The following NPAT variants were observed in gnomAD, a reference collection of about 807,000 sequenced individuals.
NPAT encodes the protein nuclear protein, coactivator of histone transcription.
In NPAT, 52 loss-of-function variants were observed where a neutral mutation model predicts 130.7. That is an observed-to-expected ratio of 0.40 (90% CI 0.32 to 0.50). The LOEUF (loss-of-function observed/expected upper bound fraction) is 0.50, where lower values mean the gene tolerates loss of function less well. Ranked by LOEUF, NPAT falls within the 20% of genes least tolerant of loss-of-function variation. The pLI is 0.68. For synonymous variants in NPAT, 580 were observed against 584.8 expected, an observed-to-expected ratio of 0.99 and a Z score of 0.12; for missense variants, 1,687 against 1,662.6, an observed-to-expected ratio of 1.01 and a Z score of -0.26.
At chr11:108,204,676 G>A (rs1408384039) in intron 1 of NPAT, among the ~76,000 whole-genome samples, 4 of 152,234 alleles carry the variant, frequency 2.6e-5, no homozygotes, top group Admixed American at 6.5e-5. Flanking sequence ...GGCCAAGCAG[G>A]CCCAGGAGCC....
At chr11:108,188,206 A>C in intron 6 of NPAT, 27 bp from the exon 7 acceptor site, 1 of 1,544,472 alleles carries the variant, frequency 6.5e-7, no homozygotes. Context: ...CATAACAGTA[A>C]GCCAAAGAAA....
At chr11:108,188,057 TA>T (rs1292620985) in intron 7 of NPAT, 40 bp downstream of exon 7, 2 of 1,329,484 alleles carry the variant, frequency 1.5e-6, no homozygotes, top group South Asian at 2.4e-5. Flanking sequence ...TTTTTTTTTT[TA>T]ATGGATACGG....
At chr11:108,220,037 G>A (rs1038943147) in intron 1 of NPAT, among the ~76,000 whole-genome samples, 1 of 152,210 alleles carries the variant, frequency 6.6e-6, no homozygotes, top group South Asian at 2.1e-4. Context: ...AATTCGTTTG[G>A]CATGTCTGCA....
intron 7 of NPAT, among the ~76,000 whole-genome samples, chr11:108,187,443 C>T (rs1360276756): frequency 6.6e-6 from 1 of 151,982 alleles, no homozygotes; most frequent in Non-Finnish European, 1.5e-5. Context: ...GACAGCAAGG[C>T]CCTATCTCTA....
At chr11:108,177,190 C>A in intron 10 of NPAT, 100 bp from the exon 11 acceptor site, 1 of 546,668 alleles carries the variant, frequency 1.8e-6, no homozygotes, top group Non-Finnish European at 3.1e-6. Flanking sequence ...TTTGCTCAGG[C>A]TGGAGTGTAG....
At chr11:108,183,150 A>G (rs1030176029) in intron 10 of NPAT, among the ~76,000 whole-genome samples, 18 of 150,802 alleles carry the variant, frequency 1.2e-4, no homozygotes, top group African/African-American at 4.1e-4. Context: ...CTGGCTAATT[A>G]AAAAAAAAAT....
chr11:108,222,620 T>G lies in NPAT; in HGVS notation c.-84A>C. 1.8e-5 allele frequency: 26 copies of G among 1,446,918 alleles called. No homozygotes were observed. The highest frequency in any genetic ancestry group is 2.4e-5 in the Non-Finnish European group (25 of 1,038,426). The allele number at this position is 1,446,918 out of a possible 1,614,324, so 89.6% of individuals were successfully genotyped here. ...GCGACAGCTCCTGCGCCGCATCTCC[T>G]GGTTCCAGTGGCGGCACTGAACTCG... On this transcript the variant is annotated 5_prime_UTR_variant, in exon 1 of 18. Transcript: ENST00000278612.
At chr11:108,202,345 G>A (rs115798823) in intron 1 of NPAT, among the ~76,000 whole-genome samples, 1,962 of 151,816 alleles carry the variant, frequency 0.013, 53 homozygotes, top group African/African-American at 0.044. Context: ...CAGCTAAGTC[G>A]GCAGCAAGAG....
chr11:108,175,821 GAAC>G (rs2078000168), intron 12 of NPAT, among the ~76,000 whole-genome samples: 1 of 152,152 alleles, frequency 6.6e-6, no homozygotes, highest in Non-Finnish European at 1.5e-5. Flanking sequence ...TTGAGCAACT[GAAC>G]AACATTAATA....
intron 7 of NPAT, among the ~76,000 whole-genome samples, chr11:108,186,799 T>C (rs2078112126): frequency 6.6e-6 from 1 of 152,192 alleles, no homozygotes; most frequent in South Asian, 2.1e-4. Context: ...GCACACTGCA[T>C]ATAGGCAGGT....
intron 10 of NPAT, among the ~76,000 whole-genome samples, chr11:108,183,835 T>C (rs1233335101): frequency 1.3e-5 from 2 of 151,590 alleles, no homozygotes; most frequent in Non-Finnish European, 2.9e-5. Flanking sequence ...TAGCTGAGCA[T>C]GGTGGCATGT....
chr11:108,193,984 T>C lies in NPAT; in HGVS notation c.190A>G (p.Asn64Asp). The change falls in exon 3 of 18, where the codon AAT becomes GAT. Residue 64 changes from asparagine to aspartate, a missense_variant. By Grantham distance (23) the Asn-to-Asp change is conservative. Transcript: ENST00000278612. The part of the protein sequence containing the change: ...LFGKNLTTIL[N>D]EYVAMKTKET... ...TTTGTTTTCATAGCTACATACTCATTTAAAATTGTTGTCAAGTTTTTTCCA... is the reference window on the plus strand; with the variant it reads ...TTTGTTTTCATAGCTACATACTCATCTAAAATTGTTGTCAAGTTTTTTCCA... 1 of 1,580,874 alleles carries C rather than the reference T, an allele frequency of 6.3e-7. No homozygotes were observed. The highest frequency in any genetic ancestry group is 8.7e-7 in the Non-Finnish European group (1 of 1,150,616).
intron 10 of NPAT, among the ~76,000 whole-genome samples, chr11:108,182,869 A>G (rs2078070247): frequency 6.6e-6 from 1 of 152,240 alleles, no homozygotes; most frequent in Non-Finnish European, 1.5e-5. Flanking sequence ...CTTTCTTACA[A>G]TCCTTCACAG....
chr11:108,162,963 G>C (rs1454604466), intron 15 of NPAT, among the ~76,000 whole-genome samples: 2 of 152,214 alleles, frequency 1.3e-5, no homozygotes, highest in African/African-American at 2.4e-5. Context: ...TTATGTGGGA[G>C]AGCAGCAAGA....
chr11:108,177,142 T>C (rs772222767), intron 10 of NPAT, 52 bp from the exon 11 acceptor site: 1 of 861,588 alleles, frequency 1.2e-6, no homozygotes, highest in Admixed American at 2.1e-5. Context: ...TTTATATATA[T>C]TTACATATTA....
chr11:108,174,391 T>G (rs2077984253), intron 12 of NPAT, among the ~76,000 whole-genome samples: 1 of 152,094 alleles, frequency 6.6e-6, no homozygotes, highest in South Asian at 2.1e-4. Flanking sequence ...CCAACCATAC[T>G]TGGTTACTGG....
At chr11:108,205,749 T>C (rs1326569201) in intron 1 of NPAT, among the ~76,000 whole-genome samples, 1 of 152,136 alleles carries the variant, frequency 6.6e-6, no homozygotes, top group Non-Finnish European at 1.5e-5. Context: ...CAACATAATA[T>C]AAAGCAGTAT....
chr11:108,173,461 G>A lies in NPAT; in HGVS notation c.1523C>T (p.Pro508Leu), dbSNP rs1240053317. The A allele has an allele frequency of 6.2e-7, 1 of 1,614,118 alleles. No individual in the cohort carries two copies. The highest frequency in any genetic ancestry group is 8.5e-7 in the Non-Finnish European group (1 of 1,179,998). The change falls in exon 13 of 18, where the codon CCA becomes CTA. Residue 508 changes from proline to leucine, a missense_variant. By Grantham distance (98) the Pro-to-Leu change is moderately conservative (BLOSUM62 -3). This residue lies in a region of NPAT where 1,379 missense variants were observed against 1,346.6 expected (regional missense o/e 1.02). Coordinates refer to ENST00000278612, the MANE Select transcript of NPAT (RefSeq NM_002519.3). The stretch of plus-strand genomic sequence containing the variant: ...ACCAAGTGAAACAAATGAAGTTATT[G>A]GTATATCAGGCTGATCAGGCTGTAA... ...SQLQPDQPDI[P>L]ITSFVSLGCE...
chr11:108,164,871 C>T (rs1268221109), intron 15 of NPAT, among the ~76,000 whole-genome samples: 1 of 152,012 alleles, frequency 6.6e-6, no homozygotes, highest in South Asian at 2.1e-4. Flanking sequence ...AATAGCTGGG[C>T]ATGGTGATGC....
Sources: gnomAD v4.1 joint callset for allele counts (sites outside exome capture counted in the v4.1 genomes callset) on GRCh38, gnomAD v4.1.1 for gene constraint, gnomAD v4.1.1 regional missense constraint, MANE v1.5 for transcripts, NCBI Gene and HGNC (gene_info 2026-07-23, HGNC 2026-07-21) for gene names.